GARRE1: variants seen among roughly 807,000 people sequenced by gnomAD.
GARRE1 encodes the protein granule associated Rac and RHOG effector protein 1.
GARRE1 carries 49 observed loss-of-function variants against 103.2 expected under a neutral mutation model. The ratio of observed to expected loss-of-function variants is 0.47; its 90% CI spans 0.38 to 0.60. The LOEUF (loss-of-function observed/expected upper bound fraction) is 0.60, where lower values mean the gene tolerates loss of function less well. GARRE1 is among the 20% of genes least tolerant of loss of function. The probability of loss-of-function intolerance (pLI) is 0.00; values close to 1 mark genes in which losing one functional copy is unlikely to be tolerated. For missense variants in GARRE1, 1,199 were observed against 1,370.5 expected (o/e 0.87, Z 1.98); for synonymous variants, 505 against 532.8 (o/e 0.95, Z 0.72).
intron 10 of GARRE1, among the ~76,000 whole-genome samples, chr19:34,345,352 C>T (rs1435610011): frequency 6.6e-6 from 1 of 152,238 alleles, no homozygotes; most frequent in Non-Finnish European, 1.5e-5. Flanking sequence ...GTGCCTGCAA[C>T]CCTGGGCCAC....
intron 2 of GARRE1, among the ~76,000 whole-genome samples, chr19:34,305,614 G>A (rs1011930348): frequency 6.6e-5 from 10 of 152,218 alleles, no homozygotes; most frequent in African/African-American, 2.4e-4. Flanking sequence ...CAACCCTGGA[G>A]GGCAAGTGCG....
intron 12 of GARRE1, among the ~76,000 whole-genome samples, 172 bp from the exon 13 acceptor site, chr19:34,351,342 G>A (rs925727488): frequency 2.0e-5 from 3 of 152,140 alleles, no homozygotes; most frequent in Non-Finnish European, 4.4e-5. Flanking sequence ...CAGGAGCGCC[G>A]TCATTCACTG....
intron 10 of GARRE1, 35 bp downstream of exon 10, chr19:34,342,490 A>G (rs1198301434): frequency 6.4e-7 from 1 of 1,565,356 alleles, no homozygotes; most frequent in Non-Finnish European, 8.7e-7. Flanking sequence ...CCCAGTGTCA[A>G]CAGCAAATGC....
chr19:34,330,763 T>TGA (rs2074133992), intron 7 of GARRE1, among the ~76,000 whole-genome samples: 3 of 143,806 alleles, frequency 2.1e-5, no homozygotes, highest in Admixed American at 7.2e-5. Flanking sequence ...TGTGTGTGTG[T>TGA]GACAGACTCT....
rs1263630932 is a variant in GARRE1, at chr19:34,327,816, A to G, written c.892A>G (p.Met298Val). The G allele has an allele frequency of 2.2e-5, 36 of 1,614,120 alleles. No individual in the cohort carries two copies. The highest frequency in any genetic ancestry group is 3.3e-5 in the Admixed American group (2 of 60,012). Residue 298 changes from methionine (M) to valine (V), a missense_variant, in exon 5 of 14, where the codon ATG (methionine) becomes GTG (valine). Met to Val is a conservative substitution (Grantham distance 21). Transcript: ENST00000299505. Reference sequence around the variant, plus strand: ...AAGCTTAGGACACTGTGAATATGCAATGAAAGCCGGCTTCCACCTGAATCC... The same window carrying G: ...AAGCTTAGGACACTGTGAATATGCAGTGAAAGCCGGCTTCCACCTGAATCC... ...LESLGHCEYAMKAGFHLNPKA... is the reference protein window; with the variant it reads ...LESLGHCEYAVKAGFHLNPKA...
At chr19:34,269,085 C>G (rs755341721) in intron 1 of GARRE1, among the ~76,000 whole-genome samples, 1 of 152,140 alleles carries the variant, frequency 6.6e-6, no homozygotes. Flanking sequence ...AAAAGTTGTT[C>G]TTCTGCTTAA....
intron 2 of GARRE1, among the ~76,000 whole-genome samples, chr19:34,304,831 G>A (rs1049020794): frequency 2.0e-5 from 3 of 149,668 alleles, no homozygotes; most frequent in Admixed American, 6.7e-5. Context: ...TTGCTCTGTC[G>A]CCCAGGCTGG....
At chr19:34,270,372 A>G (rs2073779646) in intron 1 of GARRE1, among the ~76,000 whole-genome samples, 1 of 152,198 alleles carries the variant, frequency 6.6e-6, no homozygotes, top group Non-Finnish European at 1.5e-5. Context: ...TAGTTGGAGG[A>G]CAGCACTTTT....
In GARRE1 at chr19:34,353,028, G is replaced by C. The variant is rs896936670; in HGVS notation, c.*73G>C. 1.1e-4 allele frequency: 147 copies of C among 1,358,860 alleles called. No individual in the cohort carries two copies. The highest frequency in any genetic ancestry group is 1.4e-4 in the Non-Finnish European group (142 of 1,014,344). 84.2% of individuals were successfully genotyped at this position (1,358,860 alleles called of 1,614,324 possible). A position where few individuals can be genotyped will look rare whatever the true frequency, so the allele number is the denominator to read the frequency against. ...TGTGGGGATGAGTGTCCCCACCCCA[G>C]GGCCACTTAGCTGACACCAGCCCCT... is the stretch of plus-strand genomic sequence containing the variant. On this transcript the variant is annotated 3_prime_UTR_variant, in exon 14 of 14. Coordinates refer to ENST00000299505, the MANE Select transcript of GARRE1 (RefSeq NM_014686.5).
chr19:34,347,398 G>A (rs2074216723), intron 10 of GARRE1, among the ~76,000 whole-genome samples: 1 of 152,048 alleles, frequency 6.6e-6, no homozygotes. Flanking sequence ...CCCACACCCA[G>A]CTAATTTTTG....
intron 1 of GARRE1, among the ~76,000 whole-genome samples, chr19:34,289,090 C>T (rs1406662843): frequency 2.6e-5 from 4 of 151,860 alleles, no homozygotes; most frequent in Admixed American, 6.6e-5. Flanking sequence ...GCCAAGATTG[C>T]ACCACTGCAC....
chr19:34,332,632 G>A (rs992607589), intron 7 of GARRE1, among the ~76,000 whole-genome samples: 1 of 152,120 alleles, frequency 6.6e-6, no homozygotes, highest in Non-Finnish European at 1.5e-5. Context: ...TTTTTCCAAA[G>A]GTCATTGCAG....
chr19:34,292,842 TCTC>T (rs2073925860), intron 1 of GARRE1, among the ~76,000 whole-genome samples: 1 of 152,106 alleles, frequency 6.6e-6, no homozygotes, highest in South Asian at 2.1e-4. Flanking sequence ...TTCATGCCAT[TCTC>T]CTGCCTCAGC....
chr19:34,342,217 C>G lies in GARRE1; in HGVS notation c.2283C>G (p.Ser761=), dbSNP rs752796343. The G allele has an allele frequency of 9.9e-6, 16 of 1,614,226 alleles. No homozygotes were observed. Among genetic ancestry groups the G allele is most frequent in the Non-Finnish European group, 1.3e-5 (15 of 1,180,050 alleles). The change falls in exon 10 of 14, where the codon TCC becomes TCG. Residue 761 remains serine, a synonymous_variant. Coordinates refer to ENST00000299505, the MANE Select transcript of GARRE1 (RefSeq NM_014686.5). ...CTGGGAAATGGGTACATGGCTCATC[C>G]CAGCAGCCAGCGCAGGCTGTTGGAG... ...RAPGKWVHGS[S]QQPAQAVGAG...
In GARRE1 at chr19:34,259,758, A is replaced by G. The variant is rs149560805; in HGVS notation, c.-796+5144A>G. 3.1e-3 allele frequency among the ~76,000 whole-genome samples: 473 copies of G among 152,306 alleles called. 2 individuals are homozygous for G. Among genetic ancestry groups the G allele is most frequent in the African/African-American group, 0.011 (448 of 41,550 alleles). ...TATGGTTAGGCTGTGTCCTCACCCA[A>G]ATCTCATCTTGAATTGTAGTTCCCA... is the stretch of plus-strand genomic sequence containing the variant. On this transcript the variant is annotated intron_variant, in intron 1 of 13. Coordinates refer to ENST00000299505, the MANE Select transcript of GARRE1 (RefSeq NM_014686.5).
intron 2 of GARRE1, among the ~76,000 whole-genome samples, chr19:34,301,982 CTTTT>C (rs35417822): frequency 8.0e-5 from 4 of 50,062 alleles, no homozygotes; most frequent in Non-Finnish European, 1.2e-4. Context: ...TGCGCCCAGC[CTTTT>C]TTTTTTTTTT....
In GARRE1 at chr19:34,352,848, A is replaced by ACGCCC; in HGVS notation, c.3107_3108insGCCCC (p.Gln1039HisfsTer54). 1.4e-5 allele frequency: 23 copies of ACGCCC among 1,591,556 alleles called. No individual in the cohort carries two copies. The highest frequency in any genetic ancestry group is 1.9e-5 in the Non-Finnish European group (22 of 1,166,544). On this transcript the variant is annotated frameshift_variant, in exon 14 of 14. Transcript: ENST00000299505. LOFTEE classifies it high-confidence loss of function. ...TGCCGCTGCCTTCTCCTATGTGCAGACCCCACCCCAGCCCCCACCCCCACC... is the reference window on the plus strand; with the variant it reads ...TGCCGCTGCCTTCTCCTATGTGCAGACGCCCCCCCACCCCAGCCCCCACCCCCACC...
intron 1 of GARRE1, among the ~76,000 whole-genome samples, chr19:34,273,767 A>G (rs752351751): frequency 6.6e-5 from 10 of 152,176 alleles, no homozygotes; most frequent in Non-Finnish European, 1.3e-4. Flanking sequence ...GTGATGCCTA[A>G]GTTAGACATC....
chr19:34,274,494 A>G (rs1255097606), intron 1 of GARRE1, among the ~76,000 whole-genome samples: 2 of 152,226 alleles, frequency 1.3e-5, no homozygotes, highest in African/African-American at 2.4e-5. Context: ...GCCTTGTTCA[A>G]GTAGGCAGAT....
Sources: gnomAD v4.1 joint callset for allele counts (sites outside exome capture counted in the v4.1 genomes callset) on GRCh38, gnomAD v4.1.1 for gene constraint, MANE v1.5 for transcripts, NCBI Gene and HGNC (gene_info 2026-07-23, HGNC 2026-07-21) for gene names.